Variants in TRIM44 observed in about 807,000 individuals in gnomAD.
The protein encoded by TRIM44 is tripartite motif-containing protein 44.
In TRIM44, 13 loss-of-function variants were observed where a neutral mutation model predicts 37.4. The observed-to-expected ratio is 0.35, with a 90% CI of 0.23 to 0.55. The LOEUF is 0.55. Among genes scored for constraint, TRIM44 ranks in the 20% least tolerant of loss-of-function variants. The pLI, the probability that TRIM44 is intolerant of heterozygous loss-of-function variation, is 0.89. For missense variants in TRIM44, 426 were observed against 437.2 expected (o/e 0.97, Z 0.23); for synonymous variants, 175 against 157.2 (o/e 1.11, Z -0.85).
At chr11:35,727,788 C>A (rs1480108998) in intron 3 of TRIM44, among the ~76,000 whole-genome samples, 5 of 152,282 alleles carry the variant, frequency 3.3e-5, no homozygotes, top group African/African-American at 1.2e-4. Context: ...CCTGTGCTTT[C>A]CCCCTACTAT....
chr11:35,729,463 A>G (rs1852225972), intron 3 of TRIM44, among the ~76,000 whole-genome samples: 1 of 152,154 alleles, frequency 6.6e-6, no homozygotes, highest in African/African-American at 2.4e-5. Flanking sequence ...CGGAGGAAGT[A>G]GTACCTCTTC....
In TRIM44 at chr11:35,767,422, A is replaced by G. The variant is rs148394336; in HGVS notation, c.1007+31977A>G. 6.6e-3 allele frequency among the ~76,000 whole-genome samples: 1,012 copies of G among 152,240 alleles called. 4 individuals carry two copies. Among genetic ancestry groups the G allele is most frequent in the Middle Eastern group, 0.017 (5 of 294 alleles). The stretch of plus-strand genomic sequence containing the variant: ...CTGTCAGTCACAGGTTAGGTATGCA[A>G]TAGATAATCCTCAGTACTACTACTC... On this transcript the variant is annotated intron_variant, in intron 4 of 4. Coordinates refer to ENST00000299413, the MANE Select transcript of TRIM44 (RefSeq NM_017583.6).
Position 35,780,702 on chromosome 11 carries a change from G to A in TRIM44, c.1008-25656G>A, listed in dbSNP as rs544912186. 5.3e-5 allele frequency among the ~76,000 whole-genome samples: 8 copies of A among 152,180 alleles called. No individual in the cohort carries two copies. The East Asian group carries it at 1.4e-3, about 26-fold the overall frequency. ...AGGACTCTTTCTACAATTCCACATA[G>A]CATCTCAAAGCCATCCCCATCACCC... On this transcript the variant is annotated intron_variant, in intron 4 of 4. Transcript: ENST00000299413.
chr11:35,798,538 TA>T lies in TRIM44; in HGVS notation c.1008-7817del, dbSNP rs574431055. On this transcript the variant is annotated intron_variant, in intron 4 of 4. Coordinates refer to ENST00000299413, the MANE Select transcript of TRIM44 (RefSeq NM_017583.6). ...GTAAATCTAAAGCTGTTCTAAAAAT[TA>T]AAGCTTATAAAACAAATGCAAACAT... is the stretch of plus-strand genomic sequence containing the variant. Among the ~76,000 whole-genome samples the T allele has an allele frequency of 2.8e-3, 425 of 152,318 alleles. 1 individual carries two copies. The Middle Eastern group carries it at 0.031, about 11-fold the overall frequency.
In TRIM44 at chr11:35,725,918, C is replaced by G; in HGVS notation, c.748-6C>G. On this transcript the variant is annotated splice_region_variant and splice_polypyrimidine_tract_variant and intron_variant, in intron 2 of 4. Transcript: ENST00000299413. Reference sequence around the variant, plus strand: ...CTTATTCTTCTTATTTGTCTCTGTTCTAAAGGTAACTCGGGACCAAATGAA... The same window carrying G: ...CTTATTCTTCTTATTTGTCTCTGTTGTAAAGGTAACTCGGGACCAAATGAA... 1 of 1,613,390 alleles carries G rather than the reference C, an allele frequency of 6.2e-7. No homozygotes were observed. Among genetic ancestry groups the G allele is most frequent in the Non-Finnish European group, 8.5e-7 (1 of 1,179,620 alleles).
intron 1 of TRIM44, among the ~76,000 whole-genome samples, chr11:35,671,706 A>G (rs1003551236): frequency 4.6e-5 from 7 of 152,184 alleles, no homozygotes; most frequent in Admixed American, 4.6e-4. Flanking sequence ...GATGGAGACA[A>G]CCTGCTAGGC....
In TRIM44 at chr11:35,726,070, C is replaced by T; in HGVS notation, c.894C>T (p.Asp298=). 1.2e-6 allele frequency: 2 copies of T among 1,614,130 alleles called. No individual in the cohort carries two copies. The highest frequency in any genetic ancestry group is 1.7e-6 in the Non-Finnish European group (2 of 1,180,020). Residue 298 remains aspartate, a synonymous_variant, in exon 3 of 5, where the codon GAC becomes GAT. Transcript: ENST00000299413. ...CTCATGTGACTGAGATACTGGCAGA[C>T]ATCCAATCCCACATGGATAGGTTGA... is the stretch of plus-strand genomic sequence containing the variant. ...ATAHVTEILA[D]IQSHMDRLMT...
chr11:35,666,639 C>G (rs1374152898), intron 1 of TRIM44, among the ~76,000 whole-genome samples: 2 of 152,044 alleles, frequency 1.3e-5, no homozygotes, highest in Non-Finnish European at 2.9e-5. Context: ...TGGCTCACAC[C>G]TGTCAGCTAT....
At chr11:35,805,999 A>AT (rs1207693578) in intron 4 of TRIM44, among the ~76,000 whole-genome samples, 1 of 152,064 alleles carries the variant, frequency 6.6e-6, no homozygotes, top group African/African-American at 2.4e-5. Context: ...CATACACCTG[A>AT]TTTTTACCAG....
At chr11:35,746,638 A>G (rs1413754122) in intron 4 of TRIM44, among the ~76,000 whole-genome samples, 1 of 151,938 alleles carries the variant, frequency 6.6e-6, no homozygotes, top group Non-Finnish European at 1.5e-5. Context: ...TTAAAATTAG[A>G]ACTGTAGGGA....
At chr11:35,685,432 TATTGC>T in intron 2 of TRIM44, 96 bp downstream of exon 2, 1 of 1,002,652 alleles carries the variant, frequency 1.0e-6, no homozygotes, top group Non-Finnish European at 1.5e-6. Flanking sequence ...TCTCTCTGAA[TATTGC>T]ATTAAGATTT....
chr11:35,705,522 C>T lies in TRIM44; in HGVS notation c.747+20186C>T, dbSNP rs554884687. Among the ~76,000 whole-genome samples the T allele has an allele frequency of 5.9e-5, 9 of 152,286 alleles. No individual in the cohort carries two copies. In the South Asian group the frequency reaches 1.9e-3, roughly 32 times the overall value. On this transcript the variant is annotated intron_variant, in intron 2 of 4. Coordinates refer to ENST00000299413, the MANE Select transcript of TRIM44 (RefSeq NM_017583.6). ...ACCACATAGTGGGAAGTAAAGCTCT[C>T]CTCAGCAAATGTAAAAGATCAGAAA...
chr11:35,764,965 A>G (rs7929977), intron 4 of TRIM44, among the ~76,000 whole-genome samples: 21,158 of 152,074 alleles, frequency 0.14, 1,623 homozygotes, highest in Non-Finnish European at 0.17. Flanking sequence ...CCTATTCCAT[A>G]TCCCATATAG....
intron 4 of TRIM44, among the ~76,000 whole-genome samples, chr11:35,786,016 G>A (rs917459422): frequency 3.9e-5 from 6 of 152,094 alleles, no homozygotes; most frequent in Admixed American, 6.6e-5. Flanking sequence ...GCCATGAAAC[G>A]AACTCAAGAT....
chr11:35,663,847 T>C (rs1851304235), intron 1 of TRIM44, 67 bp downstream of exon 1: 4 of 1,519,000 alleles, frequency 2.6e-6, no homozygotes, highest in African/African-American at 1.4e-5. Flanking sequence ...TCAGGTGGCC[T>C]GGCTGTGACC....
At chr11:35,787,654 A>G (rs773657648) in intron 4 of TRIM44, among the ~76,000 whole-genome samples, 1 of 152,216 alleles carries the variant, frequency 6.6e-6, no homozygotes, top group Admixed American at 6.5e-5. Flanking sequence ...TAATCTGGAT[A>G]CTTGCCTTCA....
intron 4 of TRIM44, among the ~76,000 whole-genome samples, chr11:35,738,680 A>G (rs1236185269): frequency 6.6e-6 from 1 of 152,196 alleles, no homozygotes; most frequent in Non-Finnish European, 1.5e-5. Flanking sequence ...TACCCTTTCA[A>G]CAAGCCAAAT....
At chr11:35,802,326 C>T (rs865923121) in intron 4 of TRIM44, among the ~76,000 whole-genome samples, 2 of 152,088 alleles carry the variant, frequency 1.3e-5, no homozygotes, top group Non-Finnish European at 2.9e-5. Context: ...CTATTGCTTG[C>T]GGTTCTCTCA....
At chr11:35,713,924 CTG>C (rs1852008346) in intron 2 of TRIM44, among the ~76,000 whole-genome samples, 1 of 152,198 alleles carries the variant, frequency 6.6e-6, no homozygotes, top group African/African-American at 2.4e-5. Flanking sequence ...TTGAAGTAGA[CTG>C]ACCCTGAGAT....
Sources: allele counts gnomAD v4.1 joint callset (sites outside exome capture counted in the v4.1 genomes callset), GRCh38; gene constraint gnomAD v4.1.1; transcripts MANE v1.5; gene names NCBI Gene and HGNC (gene_info 2026-07-23, HGNC 2026-07-21).